Variants in LAMB3 observed in about 807,000 individuals in gnomAD.
LAMB3 encodes laminin subunit beta-3.
In LAMB3, 104 loss-of-function variants were observed where a neutral mutation model predicts 140.3. That is an observed-to-expected ratio of 0.74 (90% CI 0.63 to 0.87). The LOEUF (loss-of-function observed/expected upper bound fraction) is 0.87. Among genes scored for constraint, LAMB3 ranks in the 40% least tolerant of loss-of-function variants. The pLI is 0.00. For synonymous variants in LAMB3, 592 were observed against 602.9 expected, an observed-to-expected ratio of 0.98 and a Z score of 0.26; for missense variants, 1,531 against 1,575.2, an observed-to-expected ratio of 0.97 and a Z score of 0.47.
Position 209,628,202 on chromosome 1 carries a change from C to G in LAMB3, c.1133-12G>C. 6.4e-7 allele frequency: 1 copy of G among 1,553,736 alleles called. No individual in the cohort carries two copies. The highest frequency in any genetic ancestry group is 8.7e-7 in the Non-Finnish European group (1 of 1,148,186). ...ATCACACTCGCAGGCTGAGAGACAA[C>G]AGCAGCCACCGCAGTAGGAACAAAG... On this transcript the variant is annotated splice_polypyrimidine_tract_variant and intron_variant, in intron 10 of 22. Transcript: ENST00000356082.
chr1:209,616,197 A>G (rs368908385), intron 22 of LAMB3, among the ~76,000 whole-genome samples: 13 of 152,352 alleles, frequency 8.5e-5, no homozygotes, highest in African/African-American at 2.9e-4. Context: ...CATCTTAAGC[A>G]TAAAGCAATA....
chr1:209,626,128 C>T (rs769446970), intron 13 of LAMB3, 102 bp from the exon 14 acceptor site: 54 of 1,279,256 alleles, frequency 4.2e-5, no homozygotes, highest in Non-Finnish European at 5.3e-5. Flanking sequence ...GCTCTTTCTA[C>T]ATGACTTAGA....
At chr1:209,639,993 C>A (rs11811941) in intron 3 of LAMB3, among the ~76,000 whole-genome samples, 1 of 152,200 alleles carries the variant, frequency 6.6e-6, no homozygotes, top group African/African-American at 2.4e-5. Flanking sequence ...ATAGAACCTC[C>A]CTGCCCAACA....
rs1209779788 is a variant in LAMB3, at chr1:209,652,390, C to G, written c.-59G>C. On this transcript the variant is annotated 5_prime_UTR_variant, in exon 1 of 23. Coordinates refer to ENST00000356082, the MANE Select transcript of LAMB3 (RefSeq NM_000228.3). The stretch of plus-strand genomic sequence containing the variant: ...ATACCTTGCTGTGTGTTCTGCCGTT[C>G]TTTCTCCAGATCGCCTGAAAGCTCC... The G allele has an allele frequency of 6.6e-6, 1 of 152,324 alleles. No homozygotes were observed. The highest frequency in any genetic ancestry group is 1.5e-5 in the Non-Finnish European group (1 of 68,112). 9.4% of individuals were successfully genotyped at this position (152,324 alleles called of 1,614,324 possible).
chr1:209,634,044 T>C (rs1426660518), intron 6 of LAMB3, among the ~76,000 whole-genome samples: 2 of 152,314 alleles, frequency 1.3e-5, no homozygotes, highest in East Asian at 1.9e-4. Flanking sequence ...AAAATGTTTA[T>C]TTTTGTGTTA....
In LAMB3 at chr1:209,625,918, C is replaced by G. The variant is rs368764676; in HGVS notation, c.1706G>C (p.Arg569Pro). ...LTGPRCDQCQRGYCNRYPVCV... is the reference protein window; with the variant it reads ...LTGPRCDQCQPGYCNRYPVCV... ...CACCGGGTAGCGATTACAGTAGCCT[C>G]GCTGGCACTGGTCACAGCGGGGCCC... The change falls in exon 14 of 23, where the codon CGA (arginine) becomes CCA (proline). Residue 569 changes from arginine (R) to proline (P), a missense_variant. Transcript: ENST00000356082. 7.4e-6 allele frequency: 12 copies of G among 1,613,814 alleles called. No individual in the cohort carries two copies. The Admixed American group carries it at 8.3e-5, about 11-fold the overall frequency.
In LAMB3 at chr1:209,623,391, G is replaced by T; in HGVS notation, c.2358+114C>A. ...AGTACAAGGGTCGGGATGGCTGGGG[G>T]AGTGGGGTTCTCACAGGGGCAGATC... On this transcript the variant is annotated intron_variant, in intron 16 of 22. Transcript: ENST00000356082. The surrounding 1 kb of genome is among the most constrained non-coding windows in gnomAD (Gnocchi z 4.2). 2 of 1,142,336 alleles carry T rather than the reference G, an allele frequency of 1.8e-6. No individual in the cohort carries two copies. The highest frequency in any genetic ancestry group is 1.3e-6 in the Non-Finnish European group (1 of 760,978). 70.8% of individuals were successfully genotyped at this position (1,142,336 alleles called of 1,614,324 possible).
At chr1:209,629,302 G>A (rs757808790) in intron 10 of LAMB3, among the ~76,000 whole-genome samples, 7 of 152,124 alleles carry the variant, frequency 4.6e-5, no homozygotes, top group Admixed American at 6.5e-5. Flanking sequence ...AATAATCCTC[G>A]CCATGGAGGA....
intron 3 of LAMB3, among the ~76,000 whole-genome samples, chr1:209,640,365 T>C (rs545954937): frequency 3.6e-4 from 55 of 151,516 alleles, no homozygotes; most frequent in Admixed American, 7.9e-4. Context: ...CTGGCCAATA[T>C]GGTGAAACCC....
At chr1:209,630,068 G>T in intron 9 of LAMB3, 143 bp from the exon 10 acceptor site, 1 of 778,766 alleles carries the variant, frequency 1.3e-6, no homozygotes. Flanking sequence ...GGCAAGGGAG[G>T]TTTGTATAAC....
At chr1:209,650,855 C>T (rs2076560332) in intron 2 of LAMB3, 62 bp downstream of exon 2, 9 of 1,520,336 alleles carry the variant, frequency 5.9e-6, no homozygotes, top group Non-Finnish European at 7.3e-6. Flanking sequence ...CTCTCCTTCT[C>T]CCTGTGGCTG....
At chr1:209,636,483 G>A (rs1275877090) in intron 5 of LAMB3, among the ~76,000 whole-genome samples, 2 of 152,084 alleles carry the variant, frequency 1.3e-5, no homozygotes, top group Non-Finnish European at 1.5e-5. Flanking sequence ...CTAGCACATG[G>A]GTGTTTAGCA....
intron 3 of LAMB3, among the ~76,000 whole-genome samples, chr1:209,648,974 C>A (rs913917445): frequency 6.6e-6 from 1 of 152,152 alleles, no homozygotes; most frequent in African/African-American, 2.4e-5. Flanking sequence ...CCATCTTACC[C>A]AACCCTGTCA....
intron 12 of LAMB3, 103 bp downstream of exon 12, chr1:209,627,280 C>G (rs1221971781): frequency 1.0e-6 from 1 of 956,842 alleles, no homozygotes; most frequent in Non-Finnish European, 1.6e-6. Flanking sequence ...CCCAGTCTGA[C>G]AGGGGAGAGG....
chr1:209,651,021 C>T, intron 1 of LAMB3, 40 bp from the exon 2 acceptor site: 23 of 1,305,344 alleles, frequency 1.8e-5, no homozygotes, highest in Non-Finnish European at 2.6e-5. Context: ...ACAGTGCAAA[C>T]CCCTAGAGCA....
At position 209,629,806 on chromosome 1, in the gene LAMB3, A is replaced by G. The variant is rs532875477; in HGVS notation, c.1063T>C (p.Cys355Arg). 4.3e-6 allele frequency: 7 copies of G among 1,613,894 alleles called. No individual in the cohort carries two copies. The highest frequency in any genetic ancestry group is 1.3e-5 in the African/African-American group (1 of 74,726). ...NCRDHTEGKN[C>R]ERCQLHYFRN... ...AAATAGTGCAGCTGACACCGCTCAC[A>G]GTTCTTGCCTTCGGTGTGGTCCCGG... is the stretch of plus-strand genomic sequence containing the variant. Residue 355 changes from cysteine (C) to arginine (R), a missense_variant, in exon 10 of 23, where the codon TGT becomes CGT. Coordinates refer to ENST00000356082, the MANE Select transcript of LAMB3 (RefSeq NM_000228.3).
Position 209,625,943 on chromosome 1 carries a change from C to T in LAMB3, c.1681G>A (p.Gly561Arg), listed in dbSNP as rs748528323. The T allele has an allele frequency of 7.7e-5, 124 of 1,613,628 alleles. No homozygotes were observed. The highest frequency in any genetic ancestry group is 1.0e-4 in the Non-Finnish European group (119 of 1,179,862). The change falls in exon 14 of 23, where the codon GGG becomes AGG. Residue 561 changes from glycine (G) to arginine (R), a missense_variant. By Grantham distance (125) the Gly-to-Arg change is moderately radical. Transcript: ENST00000356082. Reference sequence around the variant, plus strand: ...CGCTGGCACTGGTCACAGCGGGGCCCGGTCAAGCCAGGGCGGCAGAGGCAG... The same window carrying T: ...CGCTGGCACTGGTCACAGCGGGGCCTGGTCAAGCCAGGGCGGCAGAGGCAG... ...GRCLCRPGLT[G>R]PRCDQCQRGY...
Position 209,634,581 on chromosome 1 carries a change from G to C in LAMB3, c.430C>G (p.Arg144Gly). ...ERSSDFGKTW[R>G]VYQYLAADCT... ...TCGGCAGCCAGGTACTGGTACACTCGCCAGGTCTTACCGAAGTCTGAGGAG... is the reference window on the plus strand; with the variant it reads ...TCGGCAGCCAGGTACTGGTACACTCCCCAGGTCTTACCGAAGTCTGAGGAG... The change falls in exon 6 of 23, where the codon CGA (arginine) becomes GGA (glycine). Residue 144 changes from arginine (R) to glycine (G), a missense_variant. Physicochemically the swap from Arg to Gly is moderately radical, Grantham distance 125 (BLOSUM62 -2). Coordinates refer to ENST00000356082, the MANE Select transcript of LAMB3 (RefSeq NM_000228.3). The C allele has an allele frequency of 6.2e-7, 1 of 1,614,070 alleles. No homozygotes were observed. The highest frequency in any genetic ancestry group is 8.5e-7 in the Non-Finnish European group (1 of 1,179,994).
intron 3 of LAMB3, 33 bp from the exon 4 acceptor site, chr1:209,638,681 G>A (rs777810916): frequency 2.1e-6 from 3 of 1,429,486 alleles, no homozygotes; most frequent in South Asian, 1.1e-5. Flanking sequence ...ACACTCAGAG[G>A]TGGGGTCCTG....
Sources: allele counts gnomAD v4.1 joint callset (sites outside exome capture counted in the v4.1 genomes callset), GRCh38; gene constraint gnomAD v4.1.1; non-coding constraint Gnocchi (gnomAD v3.1); transcripts MANE v1.5; gene names NCBI Gene and HGNC (gene_info 2026-07-23, HGNC 2026-07-21).